The following ZNF804B variants were observed in gnomAD, a reference collection of about 807,000 sequenced individuals.
The protein encoded by ZNF804B is zinc finger protein 804B.
In ZNF804B, 80 loss-of-function variants were observed where a neutral mutation model predicts 101.4. That is an observed-to-expected ratio of 0.79 (90% CI 0.66 to 0.95). ZNF804B has a LOEUF of 0.95. Among genes scored for constraint, ZNF804B ranks in the 40% least tolerant of loss-of-function variants. The pLI, the probability that ZNF804B is intolerant of heterozygous loss-of-function variation, is 0.00. For synonymous variants in ZNF804B, 622 were observed against 558.8 expected (o/e 1.11, Z -1.59); for missense variants, 1,673 against 1,561.9 (o/e 1.07, Z -1.20).
At chr7:89,108,900 G>T (rs190916986) in intron 1 of ZNF804B, among the ~76,000 whole-genome samples, 1 of 152,168 alleles carries the variant, frequency 6.6e-6, no homozygotes, top group Non-Finnish European at 1.5e-5. Context: ...ACCAGAGGAA[G>T]AAAAGAAAAT....
intron 1 of ZNF804B, among the ~76,000 whole-genome samples, chr7:88,899,070 T>A (rs902083883): frequency 6.6e-6 from 1 of 152,156 alleles, no homozygotes; most frequent in Non-Finnish European, 1.5e-5. Context: ...TTAGAGCCCT[T>A]TCCTTTCTTT....
chr7:89,065,465 G>A (rs1789444214), intron 1 of ZNF804B, among the ~76,000 whole-genome samples: 1 of 152,178 alleles, frequency 6.6e-6, no homozygotes, highest in Non-Finnish European at 1.5e-5. Flanking sequence ...ATGCAATAAA[G>A]CTTAGGCTTC....
At chr7:88,951,246 G>C (rs1371557172) in intron 1 of ZNF804B, among the ~76,000 whole-genome samples, 1 of 151,746 alleles carries the variant, frequency 6.6e-6, no homozygotes, top group Non-Finnish European at 1.5e-5. Context: ...TGCTTTCTCT[G>C]TCTCCTTAAA....
intron 1 of ZNF804B, among the ~76,000 whole-genome samples, chr7:88,926,260 A>G (rs527321358): frequency 4.6e-5 from 7 of 152,130 alleles, no homozygotes; most frequent in Non-Finnish European, 7.4e-5. Flanking sequence ...AATCCTAGGC[A>G]GACATGTTTA....
Position 89,193,272 on chromosome 7 carries a change from C to A in ZNF804B, c.109-24883C>A, listed in dbSNP as rs566612532. On this transcript the variant is annotated intron_variant, in intron 1 of 3. Coordinates refer to ENST00000333190, the MANE Select transcript of ZNF804B (RefSeq NM_181646.5). ...CCCTATCATCTCAGCCCAAAAGCTTCGTTTTTTTTTTTTATAGTCTACTTT... is the reference window on the plus strand; with the variant it reads ...CCCTATCATCTCAGCCCAAAAGCTTAGTTTTTTTTTTTTATAGTCTACTTT... Among the ~76,000 whole-genome samples, 14 of 92,636 alleles carry A rather than the reference C, an allele frequency of 1.5e-4. No individual in the cohort carries two copies. The South Asian group carries it at 1.7e-3, about 11-fold the overall frequency. 60.8% of individuals were successfully genotyped at this position (92,636 alleles called of 152,430 possible).
At chr7:89,244,191 T>C (rs1235115463) in intron 2 of ZNF804B, among the ~76,000 whole-genome samples, 1 of 152,030 alleles carries the variant, frequency 6.6e-6, no homozygotes, top group Non-Finnish European at 1.5e-5. Flanking sequence ...ATTGTAAAAT[T>C]GTGGTATTCA....
chr7:89,177,530 A>G (rs1791339193), intron 1 of ZNF804B, among the ~76,000 whole-genome samples: 1 of 152,134 alleles, frequency 6.6e-6, no homozygotes, highest in South Asian at 2.1e-4. Flanking sequence ...GTGGCCAAAT[A>G]TGTTATATCC....
At position 88,924,236 on chromosome 7, in the gene ZNF804B, TA is replaced by T. The variant is rs373292171; in HGVS notation, c.108+164153del. 6.3e-4 allele frequency among the ~76,000 whole-genome samples: 96 copies of T among 152,312 alleles called. 1 individual carries two copies. The East Asian group carries it at 0.018, about 29-fold the overall frequency. ...CTAAATGCTGTTAATGATTTTATTT[TA>T]TTTTCATTTTTCTTTTTGACTAATC... On this transcript the variant is annotated intron_variant, in intron 1 of 3. Transcript: ENST00000333190.
Position 88,807,822 on chromosome 7 carries a change from A to G in ZNF804B, c.108+47738A>G, listed in dbSNP as rs1218596620. On this transcript the variant is annotated intron_variant, in intron 1 of 3. Coordinates refer to ENST00000333190, the MANE Select transcript of ZNF804B (RefSeq NM_181646.5). ...TAAAATCTTGTGCATAATCAAGTCT[A>G]TTTTACCTTTCTGCCCTCAGGAAAG... 3.3e-5 allele frequency among the ~76,000 whole-genome samples: 5 copies of G among 152,284 alleles called. No homozygotes were observed. In the South Asian group the frequency reaches 6.2e-4, roughly 19 times the overall value.
At chr7:88,932,162 A>G (rs1255370372) in intron 1 of ZNF804B, among the ~76,000 whole-genome samples, 1 of 151,850 alleles carries the variant, frequency 6.6e-6, no homozygotes, top group African/African-American at 2.4e-5. Flanking sequence ...CAAAATGGGT[A>G]TGAGCTAAGA....
chr7:89,279,237 T>G (rs986167812), intron 2 of ZNF804B, among the ~76,000 whole-genome samples: 18 of 152,224 alleles, frequency 1.2e-4, no homozygotes, highest in Admixed American at 3.3e-4. Flanking sequence ...CTTATCAGCT[T>G]AAGGAGATTT....
chr7:88,969,781 T>A (rs2116108741), intron 1 of ZNF804B, among the ~76,000 whole-genome samples: 1 of 151,780 alleles, frequency 6.6e-6, no homozygotes, highest in African/African-American at 2.4e-5. Context: ...AAAGCTGTAT[T>A]TTATATCACA....
chr7:89,029,351 A>C (rs1681322824), intron 1 of ZNF804B, among the ~76,000 whole-genome samples: 1 of 152,078 alleles, frequency 6.6e-6, no homozygotes, highest in South Asian at 2.1e-4. Flanking sequence ...TGATCCACCC[A>C]CCTTGGCCTC....
chr7:89,042,093 A>C (rs1789024839), intron 1 of ZNF804B, among the ~76,000 whole-genome samples: 2 of 152,184 alleles, frequency 1.3e-5, no homozygotes, highest in African/African-American at 4.8e-5. Context: ...CTCAACTATA[A>C]ATAGTAGCAA....
intron 1 of ZNF804B, among the ~76,000 whole-genome samples, chr7:89,037,620 G>A (rs938051826): frequency 6.6e-6 from 1 of 151,112 alleles, no homozygotes; most frequent in Non-Finnish European, 1.5e-5. Context: ...GCTAATTATT[G>A]TATCCATTGC....
intron 1 of ZNF804B, among the ~76,000 whole-genome samples, chr7:89,193,637 T>G (rs1788496640): frequency 6.6e-6 from 1 of 152,110 alleles, no homozygotes; most frequent in Non-Finnish European, 1.5e-5. Flanking sequence ...ACAAAGGACA[T>G]GAACTCATCA....
intron 1 of ZNF804B, among the ~76,000 whole-genome samples, chr7:89,065,717 GC>G (rs1183370535): frequency 6.6e-6 from 1 of 152,014 alleles, no homozygotes; most frequent in African/African-American, 2.4e-5. Flanking sequence ...TTGTTTCCTT[GC>G]TTTTTCCAGC....
At chr7:89,019,822 C>T (rs1584077191) in intron 1 of ZNF804B, among the ~76,000 whole-genome samples, 1 of 151,764 alleles carries the variant, frequency 6.6e-6, no homozygotes, top group East Asian at 1.9e-4. Context: ...TATGTTTTTC[C>T]ATAACTTCAC....
At chr7:88,960,876 G>T (rs1347595334) in intron 1 of ZNF804B, among the ~76,000 whole-genome samples, 1 of 151,200 alleles carries the variant, frequency 6.6e-6, no homozygotes. Flanking sequence ...ATATTCAATT[G>T]CCTGTCAGTT....
Sources: gnomAD v4.1 joint callset for allele counts (sites outside exome capture counted in the v4.1 genomes callset) on GRCh38, gnomAD v4.1.1 for gene constraint, MANE v1.5 for transcripts, NCBI Gene and HGNC (gene_info 2026-07-23, HGNC 2026-07-21) for gene names.